Variants in NUP214 observed in about 807,000 individuals in gnomAD.
NUP214 encodes the protein nucleoporin 214, also known as nuclear pore complex protein Nup214.
Under a neutral mutation model 196.2 loss-of-function variants are expected in NUP214, and 79 were observed. The observed-to-expected ratio is 0.40, with a 90% CI of 0.34 to 0.49. The LOEUF (loss-of-function observed/expected upper bound fraction) is 0.49, where lower values mean the gene tolerates loss of function less well. Ranked by LOEUF, NUP214 falls within the 20% of genes least tolerant of loss-of-function variation. The probability of loss-of-function intolerance (pLI) is 0.58; values close to 1 mark genes in which losing one functional copy is unlikely to be tolerated. For missense variants in NUP214, 2,468 were observed against 2,539.0 expected (o/e 0.97, Z 0.60); for synonymous variants, 1,020 against 990.5 (o/e 1.03, Z -0.56).
Position 131,215,289 on chromosome 9 carries a change from A to C in NUP214, c.5670A>C (p.Gly1890=). The C allele has an allele frequency of 6.2e-7, 1 of 1,610,070 alleles. No individual in the cohort carries two copies. Among genetic ancestry groups the C allele is most frequent in the Non-Finnish European group, 8.5e-7 (1 of 1,178,122 alleles). The change falls in exon 31 of 36, where the codon GGA becomes GGC. Residue 1890 remains glycine, a synonymous_variant. Coordinates refer to ENST00000359428, the MANE Select transcript of NUP214 (RefSeq NM_005085.4). ...GRGGGFFSGL[G]GKPSQDAANK... ...GGGGAGGTTTCTTCAGTGGCCTTGGAGGAAAACCCAGTCAGGATGCAGCCA... is the reference window on the plus strand; with the variant it reads ...GGGGAGGTTTCTTCAGTGGCCTTGGCGGAAAACCCAGTCAGGATGCAGCCA...
chr9:131,215,748 C>A (rs909457731), intron 31 of NUP214, among the ~76,000 whole-genome samples: 1 of 152,152 alleles, frequency 6.6e-6, no homozygotes, highest in Non-Finnish European at 1.5e-5. Flanking sequence ...TGCAGACTTT[C>A]ATTTGGATAG....
chr9:131,135,840 A>G, intron 8 of NUP214, 100 bp from the exon 9 acceptor site: 1 of 815,086 alleles, frequency 1.2e-6, no homozygotes, highest in Non-Finnish European at 2.0e-6. Flanking sequence ...TCTCTCTTTG[A>G]CATGTGGAGG....
At chr9:131,140,804 A>G in intron 11 of NUP214, 94 bp downstream of exon 11, 2 of 1,269,658 alleles carry the variant, frequency 1.6e-6, no homozygotes, top group Non-Finnish European at 2.2e-6. Flanking sequence ...ACACATAGTG[A>G]TTATCTTTAC....
Position 131,233,496 on chromosome 9 carries a change from C to T in NUP214, c.*9C>T. The T allele has an allele frequency of 6.2e-7, 1 of 1,613,834 alleles. No individual in the cohort carries two copies. The highest frequency in any genetic ancestry group is 8.5e-7 in the Non-Finnish European group (1 of 1,179,876). ...GTGGCTGGCGAAGCTGAGGGCGTGT[C>T]AGCAGGCCTTTCGATCCCTGGGACC... On this transcript the variant is annotated 3_prime_UTR_variant, in exon 36 of 36. Transcript: ENST00000359428.
At position 131,198,079 on chromosome 9, in the gene NUP214, G is replaced by C. The variant is rs568427569; in HGVS notation, c.4585G>C (p.Ala1529Pro). ...GCAACAGTCAGCCCAGCTTCCCCAG[G>C]CTCCTCCGCAAACTTCTGACTCTGT... is the stretch of plus-strand genomic sequence containing the variant. ...EEQQSAQLPQ[A>P]PPQTSDSVKK... The change falls in exon 29 of 36, where the codon GCT becomes CCT. Residue 1529 changes from alanine to proline, a missense_variant. Coordinates refer to ENST00000359428, the MANE Select transcript of NUP214 (RefSeq NM_005085.4). 1.2e-6 allele frequency: 2 copies of C among 1,614,000 alleles called. No individual in the cohort carries two copies. The highest frequency in any genetic ancestry group is 4.5e-5 in the East Asian group (2 of 44,886).
At chr9:131,202,411 A>T (rs1048420145) in intron 30 of NUP214, among the ~76,000 whole-genome samples, 2 of 151,384 alleles carry the variant, frequency 1.3e-5, no homozygotes, top group East Asian at 1.9e-4. Context: ...ACATATATAT[A>T]TTTTTGTTTG....
intron 21 of NUP214, among the ~76,000 whole-genome samples, chr9:131,166,060 T>C (rs1256461446): frequency 6.6e-6 from 1 of 152,220 alleles, no homozygotes; most frequent in African/African-American, 2.4e-5. Context: ...ACAATGTGAA[T>C]GTACTTAATA....
At position 131,173,550 on chromosome 9, in the gene NUP214, T is replaced by A. The variant is rs1266907676; in HGVS notation, c.2894-505T>A. 3.3e-5 allele frequency among the ~76,000 whole-genome samples: 5 copies of A among 151,692 alleles called. No individual in the cohort carries two copies. The South Asian group carries it at 6.3e-4, about 19-fold the overall frequency. The stretch of plus-strand genomic sequence containing the variant: ...CCCAGTCTCTTGTATTTTTTTTTTT[T>A]AAACCTAATTGTCTGAATCAGAAGA... On this transcript the variant is annotated intron_variant, in intron 21 of 35. Coordinates refer to ENST00000359428, the MANE Select transcript of NUP214 (RefSeq NM_005085.4).
chr9:131,215,251 A>G lies in NUP214; in HGVS notation c.5632A>G (p.Asn1878Asp). The G allele has an allele frequency of 6.3e-7, 1 of 1,597,206 alleles. No homozygotes were observed. Among genetic ancestry groups the G allele is most frequent in the Non-Finnish European group, 8.5e-7 (1 of 1,172,314 alleles). The change falls in exon 31 of 36, where the codon AAC (asparagine) becomes GAC (aspartate). Residue 1878 changes from asparagine to aspartate, a missense_variant. Asn to Asp is a conservative substitution (Grantham distance 23). Coordinates refer to ENST00000359428, the MANE Select transcript of NUP214 (RefSeq NM_005085.4). Reference protein sequence around the residue: ...SSSGSVFGSGNTGRGGGFFSG... With the variant: ...SSSGSVFGSGDTGRGGGFFSG... Reference sequence around the variant, plus strand: ...CAGTGGTAGCGTGTTTGGGTCTGGAAACACTGGAAGAGGGGGAGGTTTCTT... The same window carrying G: ...CAGTGGTAGCGTGTTTGGGTCTGGAGACACTGGAAGAGGGGGAGGTTTCTT...
rs1390195616 is a variant in NUP214 at position 131,198,967 on chromosome 9, GCCA to G, written c.5478_5480del (p.Thr1828del). 1 of 1,613,034 alleles carries G rather than the reference GCCA, an allele frequency of 6.2e-7. No homozygotes were observed. Among genetic ancestry groups the G allele is most frequent in the Admixed American group, 1.7e-5 (1 of 59,966 alleles). ...CTCTGTCTTTGGTGGTACCTCAGCT[GCCA>G]CCACAACAGCAGCAACCTCTGGGTT... On this transcript the variant is annotated inframe_deletion, in exon 29 of 36. Coordinates refer to ENST00000359428, the MANE Select transcript of NUP214 (RefSeq NM_005085.4).
chr9:131,232,429 C>T lies in NUP214; in HGVS notation c.6239+121C>T, dbSNP rs11790462. ...TTTTTTCCTGTTTTTAGAGTTTGTC[C>T]TGGAAGTGTGGGGGTTCAGCAGCAG... On this transcript the variant is annotated intron_variant, in intron 35 of 35. Transcript: ENST00000359428. This position sits in a 1 kb window ranked among gnomAD's most constrained non-coding sequence, Gnocchi z 5.1. 0.026 allele frequency: 28,055 copies of T among 1,058,946 alleles called. 512 individuals carry two copies. The highest frequency in any genetic ancestry group is 0.035 in the Non-Finnish European group (23,748 of 686,358). The allele number at this position is 1,058,946 out of a possible 1,614,324, so 65.6% of individuals were successfully genotyped here.
At chr9:131,137,079 A>G (rs993513879) in intron 9 of NUP214, among the ~76,000 whole-genome samples, 1 of 152,250 alleles carries the variant, frequency 6.6e-6, no homozygotes, top group Non-Finnish European at 1.5e-5. Context: ...GGATGAGGCT[A>G]GAGTTCAGCC....
At chr9:131,162,455 C>G (rs1242542961) in intron 18 of NUP214, among the ~76,000 whole-genome samples, 1 of 152,186 alleles carries the variant, frequency 6.6e-6, no homozygotes, top group African/African-American at 2.4e-5. Context: ...ACAGTCAGAC[C>G]TACTTCCCAG....
In NUP214 at chr9:131,150,306, C is replaced by T; in HGVS notation, c.2041-18C>T. 1 of 1,613,018 alleles carries T rather than the reference C, an allele frequency of 6.2e-7. No individual in the cohort carries two copies. The highest frequency in any genetic ancestry group is 8.5e-7 in the Non-Finnish European group (1 of 1,179,056). ...AAGCTATGACTTGCAGTTTTTAAAC[C>T]TTTTCCTTCCATTTCAGGCAAAGTC... On this transcript the variant is annotated intron_variant, in intron 14 of 35. Coordinates refer to ENST00000359428, the MANE Select transcript of NUP214 (RefSeq NM_005085.4).
chr9:131,127,565 C>G lies in NUP214; in HGVS notation c.87C>G (p.Asp29Glu). 1.2e-6 allele frequency: 2 copies of G among 1,613,644 alleles called. No homozygotes were observed. The highest frequency in any genetic ancestry group is 1.7e-6 in the Non-Finnish European group (2 of 1,179,802). Residue 29 changes from aspartate to glutamate, a missense_variant, in exon 2 of 36, where the codon GAC becomes GAG. Coordinates refer to ENST00000359428, the MANE Select transcript of NUP214 (RefSeq NM_005085.4). ...CGCTAAAGAAGGTGAGAATCTTTGACTCCCCTGAGGAATTGCCCAAGGAAC... is the reference window on the plus strand; with the variant it reads ...CGCTAAAGAAGGTGAGAATCTTTGAGTCCCCTGAGGAATTGCCCAAGGAAC... ...FRALKKVRIFDSPEELPKERS... is the reference protein window; with the variant it reads ...FRALKKVRIFESPEELPKERS...
chr9:131,216,898 C>T (rs1340197618), intron 31 of NUP214, among the ~76,000 whole-genome samples: 4 of 97,878 alleles, frequency 4.1e-5, no homozygotes, highest in African/African-American at 7.9e-5. Flanking sequence ...GATCTTTATC[C>T]TGCTGCTCAG....
chr9:131,222,953 T>C (rs375769685), intron 32 of NUP214, 23 bp downstream of exon 32: 12 of 1,607,572 alleles, frequency 7.5e-6, no homozygotes, highest in South Asian at 2.2e-5. Flanking sequence ...CTATTTGTTA[T>C]GGTTATCTTT....
At position 131,140,720 on chromosome 9, in the gene NUP214, T is replaced by G. The variant is rs373204876; in HGVS notation, c.1294+10T>G. 3.7e-6 allele frequency: 6 copies of G among 1,608,976 alleles called. No homozygotes were observed. In the African/African-American group the frequency reaches 8.0e-5, roughly 22 times the overall value. On this transcript the variant is annotated intron_variant, in intron 11 of 35. Transcript: ENST00000359428. ...CAGCCCAAGTCACCAGGTATGTGCC[T>G]CTGCCTGCTTTATCAGTAAGGGAAT...
rs562513502 is a variant in NUP214, at chr9:131,146,928, C to CAAA, written c.1946-550_1946-548dup. ...CTGGCGACAGAGCGAGACTCTGTCT[C>CAAA]AAAAAAAAAAAAAAGTACAGAGGAG... On this transcript the variant is annotated intron_variant, in intron 13 of 35. Transcript: ENST00000359428. The surrounding 1 kb of genome is among the most constrained non-coding windows in gnomAD (Gnocchi z 4.6). Among the ~76,000 whole-genome samples, 313 of 135,338 alleles carry CAAA rather than the reference C, an allele frequency of 2.3e-3. 4 individuals are homozygous for CAAA. Among genetic ancestry groups the CAAA allele is most frequent in the African/African-American group, 8.2e-3 (299 of 36,660 alleles). 88.8% of individuals were successfully genotyped at this position (135,338 alleles called of 152,430 possible).
Sources: allele counts gnomAD v4.1 joint callset (sites outside exome capture counted in the v4.1 genomes callset), GRCh38; gene constraint gnomAD v4.1.1; non-coding constraint Gnocchi (gnomAD v3.1); transcripts MANE v1.5; gene names NCBI Gene and HGNC (gene_info 2026-07-23, HGNC 2026-07-21).